WSB2: variants seen among roughly 807,000 people sequenced by gnomAD.
WSB2 encodes the protein WD repeat and SOCS box-containing protein 2.
In WSB2, 12 loss-of-function variants were observed where a neutral mutation model predicts 48.8. The ratio of observed to expected loss-of-function variants is 0.25; its 90% CI spans 0.16 to 0.40. The LOEUF is 0.40. WSB2 is among the 10% of genes least tolerant of loss of function. WSB2 has a pLI of 1.00. For missense variants in WSB2, 317 were observed against 506.2 expected, an observed-to-expected ratio of 0.63 and a Z score of 3.59; for synonymous variants, 191 against 203.1, an observed-to-expected ratio of 0.94 and a Z score of 0.51.
chr12:118,059,897 A>C (rs995557748), intron 1 of WSB2, among the ~76,000 whole-genome samples: 6 of 152,186 alleles, frequency 3.9e-5, no homozygotes, highest in Admixed American at 1.3e-4. Context: ...TTAAAAAGTA[A>C]CACCACCCCA....
intron 5 of WSB2, among the ~76,000 whole-genome samples, chr12:118,036,939 T>C (rs900613658): frequency 2.6e-5 from 4 of 152,186 alleles, no homozygotes; most frequent in African/African-American, 9.7e-5. Flanking sequence ...CTCAGCACTT[T>C]GGGTGGCTGA....
At chr12:118,035,395 G>T in intron 6 of WSB2, 71 bp from the exon 7 acceptor site, 2 of 1,415,752 alleles carry the variant, frequency 1.4e-6, no homozygotes, top group South Asian at 1.2e-5. Context: ...ATCACCCTAG[G>T]CAGGAAGCCA....
chr12:118,054,047 A>G (rs990505589), intron 1 of WSB2, among the ~76,000 whole-genome samples: 3 of 151,884 alleles, frequency 2.0e-5, no homozygotes, highest in Non-Finnish European at 4.4e-5. Context: ...ATTCAATAAA[A>G]CAGATGGTAG....
At chr12:118,035,534 A>AAC (rs2031492095) in intron 6 of WSB2, among the ~76,000 whole-genome samples, 2 of 152,220 alleles carry the variant, frequency 1.3e-5, no homozygotes, top group African/African-American at 4.8e-5. Flanking sequence ...AAGGGTTACT[A>AAC]ACACTTCCTT....
upstream of WSB2, chr12:118,061,276 A>G: frequency 1.3e-6 from 1 of 792,032 alleles, no homozygotes; most frequent in Non-Finnish European, 1.5e-6. Context: ...GGTGGGGGGC[A>G]GCTGAGGGAA....
At position 118,032,868 on chromosome 12, in the gene WSB2, T is replaced by G. The variant is rs147211979; in HGVS notation, c.*1328A>C. 1 of 152,246 alleles carries G rather than the reference T, an allele frequency of 6.6e-6. No individual in the cohort carries two copies. The highest frequency in any genetic ancestry group is 1.9e-4 in the East Asian group (1 of 5,172). The allele number at this position is 152,246 out of a possible 1,614,324, so 9.4% of individuals were successfully genotyped here. ...CTGCTTGTTTTAAAAGGGGACTTTT[T>G]TTTTTCTTAATGGAAAAAAATGAAA... On this transcript the variant is annotated 3_prime_UTR_variant, in exon 9 of 9. Transcript: ENST00000315436.
chr12:118,058,333 A>G (rs1216341938), intron 1 of WSB2, among the ~76,000 whole-genome samples: 1 of 151,966 alleles, frequency 6.6e-6, no homozygotes, highest in Non-Finnish European at 1.5e-5. Flanking sequence ...TAAAGCGACC[A>G]TACACTTTCC....
chr12:118,044,264 T>C (rs2031701820), intron 2 of WSB2, among the ~76,000 whole-genome samples: 1 of 152,206 alleles, frequency 6.6e-6, no homozygotes, highest in Non-Finnish European at 1.5e-5. Flanking sequence ...CAGAAAGTTC[T>C]CTCAGGTTTT....
At chr12:118,059,412 A>C (rs1010503731) in intron 1 of WSB2, among the ~76,000 whole-genome samples, 1 of 152,192 alleles carries the variant, frequency 6.6e-6, no homozygotes, top group Non-Finnish European at 1.5e-5. Flanking sequence ...CCTGGCACAT[A>C]GTAGACGTTC....
chr12:118,044,813 C>T (rs969323876), intron 2 of WSB2, among the ~76,000 whole-genome samples: 1 of 152,126 alleles, frequency 6.6e-6, no homozygotes, highest in African/African-American at 2.4e-5. Context: ...ACAAAGGTCT[C>T]CATGTGACCC....
chr12:118,056,698 C>A (rs2137799544), intron 1 of WSB2, among the ~76,000 whole-genome samples: 1 of 152,270 alleles, frequency 6.6e-6, no homozygotes, highest in South Asian at 2.1e-4. Context: ...GCCAGGAGTT[C>A]AAGACCAGCC....
At chr12:118,039,378 A>G (rs1477986334) in intron 4 of WSB2, among the ~76,000 whole-genome samples, 1 of 152,230 alleles carries the variant, frequency 6.6e-6, no homozygotes, top group African/African-American at 2.4e-5. Flanking sequence ...AATTAGAGAG[A>G]GATTTTCCAT....
In WSB2 at chr12:118,036,269, T is replaced by C. The variant is rs995070427; in HGVS notation, c.833+69A>G. ...CATGTCCCAGATTCTAAAAGAGACA[T>C]GTCTAATCCCAGGCAGGTTCCTCAT... On this transcript the variant is annotated intron_variant, in intron 6 of 8. Transcript: ENST00000315436. The C allele has an allele frequency of 3.9e-6, 6 of 1,524,140 alleles. No individual in the cohort carries two copies. The South Asian group carries it at 7.4e-5, about 19-fold the overall frequency. 94.4% of individuals were successfully genotyped at this position (1,524,140 alleles called of 1,614,324 possible).
At chr12:118,045,380 T>G (rs1269213905) in intron 2 of WSB2, among the ~76,000 whole-genome samples, 2 of 136,698 alleles carry the variant, frequency 1.5e-5, no homozygotes, top group Non-Finnish European at 3.2e-5. Flanking sequence ...AAAAAAAGAA[T>G]TTTAACCAAG....
intron 5 of WSB2, 100 bp from the exon 6 acceptor site, chr12:118,036,610 A>G: frequency 7.8e-7 from 1 of 1,282,466 alleles, no homozygotes; most frequent in Admixed American, 2.3e-5. Context: ...CAGGCCCTGC[A>G]GCCAGGGCTG....
chr12:118,034,393 C>T, intron 8 of WSB2, 35 bp from the exon 9 acceptor site: 1 of 1,604,492 alleles, frequency 6.2e-7, no homozygotes, highest in Non-Finnish European at 8.5e-7. Context: ...TAAGACAGAG[C>T]TTGGATGTTC....
chr12:118,044,656 A>C (rs1221684389), intron 2 of WSB2, among the ~76,000 whole-genome samples: 1 of 152,168 alleles, frequency 6.6e-6, no homozygotes, highest in Middle Eastern at 3.2e-3. Context: ...CTACAATTCA[A>C]CTTACAGTGA....
intron 1 of WSB2, 154 bp from the exon 2 acceptor site, chr12:118,052,632 A>T (rs1160288106): frequency 8.9e-7 from 1 of 1,129,234 alleles, no homozygotes; most frequent in Non-Finnish European, 1.2e-6. Context: ...AACAGCAGCC[A>T]CAGGCCACAT....
upstream of WSB2, chr12:118,061,182 C>A (rs1216504485): frequency 6.2e-5 from 61 of 983,270 alleles, no homozygotes; most frequent in Admixed American, 1.9e-4. Flanking sequence ...AGCTGCTTCC[C>A]GTCACATGGC....
Sources: allele counts gnomAD v4.1 joint callset (sites outside exome capture counted in the v4.1 genomes callset), GRCh38; gene constraint gnomAD v4.1.1; transcripts MANE v1.5; gene names NCBI Gene and HGNC (gene_info 2026-07-23, HGNC 2026-07-21).